XXYLT1: variants seen among roughly 807,000 people sequenced by gnomAD.
XXYLT1 encodes the protein xyloside xylosyltransferase 1, also known as UDP-xylose:alpha-xyloside alpha-1,3-xylosyltransferase.
In XXYLT1, 20 loss-of-function variants were observed where a neutral mutation model predicts 28.9. The ratio of observed to expected loss-of-function variants is 0.69; its 90% CI spans 0.49 to 1.00. The LOEUF (loss-of-function observed/expected upper bound fraction) is 1.00, where lower values mean the gene tolerates loss of function less well. Among genes scored for constraint, XXYLT1 ranks in the 50% least tolerant of loss-of-function variants. XXYLT1 has a pLI of 0.00. For missense variants in XXYLT1, 542 were observed against 560.1 expected (o/e 0.97, Z 0.33); for synonymous variants, 257 against 253.8 (o/e 1.01, Z -0.12).
chr3:195,086,812 G>A (rs1414355880), intron 3 of XXYLT1, among the ~76,000 whole-genome samples: 1 of 152,048 alleles, frequency 6.6e-6, no homozygotes, highest in Non-Finnish European at 1.5e-5. Flanking sequence ...CTCTAAGAAC[G>A]GATGCATGTA....
Position 195,069,431 on chromosome 3 carries a change from T to C in XXYLT1, c.*284A>G. ...ACAGCAAGGGGGACCCTTTCTCCCC[T>C]TCCTTCTCTTCAAGTGCTTGCTTCC... On this transcript the variant is annotated 3_prime_UTR_variant, in exon 4 of 4. Transcript: ENST00000310380. The C allele has an allele frequency of 9.7e-6, 4 of 410,610 alleles. 1 individual carries two copies. In the South Asian group the frequency reaches 2.4e-4, roughly 25 times the overall value. The allele number at this position is 410,610 out of a possible 1,614,324, so 25.4% of individuals were successfully genotyped here.
intron 2 of XXYLT1, among the ~76,000 whole-genome samples, chr3:195,212,907 T>C (rs1379439545): frequency 1.3e-5 from 2 of 152,232 alleles, no homozygotes; most frequent in Non-Finnish European, 2.9e-5. Flanking sequence ...AGCCACTTGT[T>C]GGTCAGTGCC....
rs1242132020 is a variant in XXYLT1 at position 195,129,587 on chromosome 3, C to T, written c.785+26862G>A. On this transcript the variant is annotated intron_variant, in intron 3 of 3. Coordinates refer to ENST00000310380, the MANE Select transcript of XXYLT1 (RefSeq NM_152531.5). This position sits in a 1 kb window ranked among gnomAD's most constrained non-coding sequence, Gnocchi z 4.4. The stretch of plus-strand genomic sequence containing the variant: ...CTTCATTCCCTCTATGGCCAAATAA[C>T]ATTTCATCATATTTTGCTTTTCCAT... Among the ~76,000 whole-genome samples the T allele has an allele frequency of 6.6e-6, 1 of 152,198 alleles. No homozygotes were observed. Among genetic ancestry groups the T allele is most frequent in the Non-Finnish European group, 1.5e-5 (1 of 68,048 alleles).
Position 195,168,386 on chromosome 3 carries a change from A to C in XXYLT1, c.653-11805T>G, listed in dbSNP as rs1378347421. On this transcript the variant is annotated intron_variant, in intron 2 of 3. Transcript: ENST00000310380. This position sits in a 1 kb window ranked among gnomAD's most constrained non-coding sequence, Gnocchi z 4.3. ...CAGCTAAGCAAGCCACAAAATCCCT[A>C]CTATGTGCCAAGCACTATGCTAAAT... Among the ~76,000 whole-genome samples, 1 of 152,218 alleles carries C rather than the reference A, an allele frequency of 6.6e-6. No individual in the cohort carries two copies. Among genetic ancestry groups the C allele is most frequent in the Non-Finnish European group, 1.5e-5 (1 of 68,038 alleles).
chr3:195,208,719 C>T (rs1577148121), intron 2 of XXYLT1, among the ~76,000 whole-genome samples: 2 of 152,276 alleles, frequency 1.3e-5, no homozygotes, highest in South Asian at 4.1e-4. Flanking sequence ...GGTCCCAGAG[C>T]TACCCCTAAT....
At chr3:195,227,226 C>G (rs894924034) in intron 1 of XXYLT1, among the ~76,000 whole-genome samples, 1 of 152,162 alleles carries the variant, frequency 6.6e-6, no homozygotes, top group African/African-American at 2.4e-5. Flanking sequence ...GACTGGAAAC[C>G]ACGTGAGAGT....
chr3:195,177,786 T>TA (rs1176621823), intron 2 of XXYLT1, among the ~76,000 whole-genome samples: 2 of 151,494 alleles, frequency 1.3e-5, no homozygotes, highest in Admixed American at 1.3e-4. Flanking sequence ...AAATAAAAAA[T>TA]AAAAAAATTA....
At chr3:195,174,498 C>T (rs1229196141) in intron 2 of XXYLT1, among the ~76,000 whole-genome samples, 1 of 151,992 alleles carries the variant, frequency 6.6e-6, no homozygotes, top group African/African-American at 2.4e-5. Flanking sequence ...ACCACTACAC[C>T]CGGTTAATTT....
intron 1 of XXYLT1, among the ~76,000 whole-genome samples, chr3:195,248,586 T>A (rs994624515): frequency 6.6e-6 from 1 of 152,170 alleles, no homozygotes; most frequent in Admixed American, 6.5e-5. Context: ...GATTGTGAGA[T>A]TTCCCCAGCC....
intron 2 of XXYLT1, among the ~76,000 whole-genome samples, chr3:195,169,653 C>T (rs1046443263): frequency 6.6e-6 from 1 of 151,934 alleles, no homozygotes; most frequent in Admixed American, 6.6e-5. Flanking sequence ...GGGCTATAGC[C>T]CCCCCCATAA....
In XXYLT1 at chr3:195,123,362, C is replaced by T. The variant is rs764225219; in HGVS notation, c.785+33087G>A. Among the ~76,000 whole-genome samples the T allele has an allele frequency of 3.0e-4, 45 of 152,250 alleles. No individual in the cohort carries two copies. The South Asian group carries it at 3.1e-3, about 11-fold the overall frequency. Reference sequence around the variant, plus strand: ...CGTCAGCAAGCCCCCCTCTCCTGGCCGGCTGACGGAATTACAGAGGGCTTA... The same window carrying T: ...CGTCAGCAAGCCCCCCTCTCCTGGCTGGCTGACGGAATTACAGAGGGCTTA... On this transcript the variant is annotated intron_variant, in intron 3 of 3. Coordinates refer to ENST00000310380, the MANE Select transcript of XXYLT1 (RefSeq NM_152531.5).
intron 3 of XXYLT1, among the ~76,000 whole-genome samples, chr3:195,112,864 C>T (rs976518490): frequency 8.7e-6 from 1 of 114,908 alleles, no homozygotes; most frequent in Non-Finnish European, 2.1e-5. Flanking sequence ...CATGCACACA[C>T]ATGCATGCAC....
chr3:195,088,132 T>TTATC (rs1198900042), intron 3 of XXYLT1, among the ~76,000 whole-genome samples: 1 of 150,748 alleles, frequency 6.6e-6, no homozygotes, highest in Non-Finnish European at 1.5e-5. Flanking sequence ...TTGCCCAGGC[T>TTATC]TGATTAGGTA....
intron 3 of XXYLT1, among the ~76,000 whole-genome samples, chr3:195,116,377 G>A (rs957620739): frequency 5.3e-5 from 8 of 152,322 alleles, no homozygotes; most frequent in African/African-American, 1.7e-4. Context: ...TTAAAATGTA[G>A]ATTCTGAGTC....
chr3:195,251,584 C>T (rs1411446667), intron 1 of XXYLT1, among the ~76,000 whole-genome samples: 1 of 152,220 alleles, frequency 6.6e-6, no homozygotes, highest in Non-Finnish European at 1.5e-5. Context: ...CACAGAGACT[C>T]TGAACGCTCT....
rs111974028 is a variant in XXYLT1 at position 195,173,939 on chromosome 3, C to T, written c.653-17358G>A. Among the ~76,000 whole-genome samples, 5,868 of 152,296 alleles carry T rather than the reference C, an allele frequency of 0.039. 367 individuals are homozygous for T. The highest frequency in any genetic ancestry group is 0.13 in the African/African-American group (5,591 of 41,526). On this transcript the variant is annotated intron_variant, in intron 2 of 3. Transcript: ENST00000310380. The surrounding 1 kb of genome is among the most constrained non-coding windows in gnomAD (Gnocchi z 4.3). ...CTGTGTCAGTAGGCACTGGTGAGAA[C>T]AGCCGCTGGCTCCCTCGGGTTGCAG...
intron 1 of XXYLT1, among the ~76,000 whole-genome samples, chr3:195,261,528 A>C (rs1463367724): frequency 6.6e-6 from 1 of 152,242 alleles, no homozygotes; most frequent in Non-Finnish European, 1.5e-5. Flanking sequence ...TCTCCTCATC[A>C]AGACTTCATA....
intron 2 of XXYLT1, among the ~76,000 whole-genome samples, chr3:195,158,150 C>G (rs1720699561): frequency 6.6e-6 from 1 of 152,188 alleles, no homozygotes; most frequent in Non-Finnish European, 1.5e-5. Flanking sequence ...GAAAGCCCAC[C>G]ACCTGCTACA....
intron 2 of XXYLT1, among the ~76,000 whole-genome samples, chr3:195,177,927 T>C (rs1360303414): frequency 7.2e-6 from 1 of 138,324 alleles, no homozygotes; most frequent in Non-Finnish European, 1.5e-5. Context: ...AGAGCAAGGC[T>C]CTGTCTCTTA....
Sources: allele counts gnomAD v4.1 joint callset (sites outside exome capture counted in the v4.1 genomes callset), GRCh38; gene constraint gnomAD v4.1.1; non-coding constraint Gnocchi (gnomAD v3.1); transcripts MANE v1.5; gene names NCBI Gene and HGNC (gene_info 2026-07-23, HGNC 2026-07-21).